R3HDM4: variants seen among roughly 807,000 people sequenced by gnomAD.
R3HDM4 encodes R3H domain-containing protein 4.
R3HDM4 carries 30 observed loss-of-function variants against 31.3 expected under a neutral mutation model. The ratio of observed to expected loss-of-function variants is 0.96; its 90% CI spans 0.72 to 1.30. The LOEUF is 1.30. Ranked by LOEUF, R3HDM4 falls within the 50% of genes most tolerant of loss-of-function variation. The probability of loss-of-function intolerance (pLI) is 0.00; values close to 1 mark genes in which losing one functional copy is unlikely to be tolerated. For synonymous variants in R3HDM4, 196 were observed against 156.6 expected (o/e 1.25, Z -1.88); for missense variants, 444 against 366.1 (o/e 1.21, Z -1.74).
At chr19:903,529 C>T (rs1458586206) in intron 1 of R3HDM4, among the ~76,000 whole-genome samples, 3 of 151,914 alleles carry the variant, frequency 2.0e-5, no homozygotes, top group Non-Finnish European at 2.9e-5. Context: ...AGGCGCGCAC[C>T]GCAGCCACCC....
In R3HDM4 at chr19:907,673, A is replaced by G. The variant is rs10425660; in HGVS notation, c.71+5414T>C. ...CCAAAGCCCCACAGGCCTCTCCTCC[A>G]GGCCCACAAGGACCTGCCTGGTCCT... On this transcript the variant is annotated intron_variant, in intron 1 of 7. Coordinates refer to ENST00000361574, the MANE Select transcript of R3HDM4 (RefSeq NM_138774.4). This position sits in a 1 kb window ranked among gnomAD's most constrained non-coding sequence, Gnocchi z 4.1. 0.065 allele frequency among the ~76,000 whole-genome samples: 9,817 copies of G among 152,118 alleles called. 504 individuals are homozygous for G. Among genetic ancestry groups the G allele is most frequent in the African/African-American group, 0.13 (5,510 of 41,486 alleles).
chr19:898,395 A>G (rs890535276), intron 7 of R3HDM4, among the ~76,000 whole-genome samples: 1 of 97,102 alleles, frequency 1.0e-5, no homozygotes, highest in Non-Finnish European at 2.2e-5. Context: ...ACAGAGCGAG[A>G]CTTGGTCTCA....
At chr19:912,411 T>G (rs1338349618) in intron 1 of R3HDM4, among the ~76,000 whole-genome samples, 17 of 54,946 alleles carry the variant, frequency 3.1e-4, no homozygotes, top group African/African-American at 4.9e-4. Context: ...GACCAGAGAG[T>G]AGGGGCACGG....
At chr19:906,941 G>A (rs1456797524) in intron 1 of R3HDM4, among the ~76,000 whole-genome samples, 2 of 151,636 alleles carry the variant, frequency 1.3e-5, no homozygotes, top group African/African-American at 2.4e-5. Context: ...TCAGCCTCCC[G>A]AGTAGCTGGG....
chr19:902,454 C>T (rs539398975), intron 1 of R3HDM4: 1 of 204,134 alleles, frequency 4.9e-6, no homozygotes, highest in South Asian at 1.1e-4. Context: ...AAAAAAAAGA[C>T]TTATTTTTTT....
rs575692359 is a variant in R3HDM4 at position 910,219 on chromosome 19, G to A, written c.71+2868C>T. Among the ~76,000 whole-genome samples the A allele has an allele frequency of 2.0e-5, 3 of 152,212 alleles. No homozygotes were observed. In the South Asian group the frequency reaches 6.2e-4, roughly 32 times the overall value. ...ACATGCCTGTAATCCCAGCTACTCAGGAGGCTGAGGGAGGAGAATCGCTTG... is the reference window on the plus strand; with the variant it reads ...ACATGCCTGTAATCCCAGCTACTCAAGAGGCTGAGGGAGGAGAATCGCTTG... On this transcript the variant is annotated intron_variant, in intron 1 of 7. Coordinates refer to ENST00000361574, the MANE Select transcript of R3HDM4 (RefSeq NM_138774.4).
At chr19:902,867 G>A (rs898343943) in intron 1 of R3HDM4, among the ~76,000 whole-genome samples, 4 of 151,628 alleles carry the variant, frequency 2.6e-5, no homozygotes, top group East Asian at 1.9e-4. Flanking sequence ...GCTTGAACCC[G>A]GGAGGCAGAT....
Position 913,213 on chromosome 19 carries a change from A to C in R3HDM4, c.-56T>G. ...CGGCAGGGCCTTCACCGGGCCGGGCAGGAAGTGACGGGCGCCCGGAGGCGG... is the reference window on the plus strand; with the variant it reads ...CGGCAGGGCCTTCACCGGGCCGGGCCGGAAGTGACGGGCGCCCGGAGGCGG... On this transcript the variant is annotated 5_prime_UTR_variant, in exon 1 of 8. Coordinates refer to ENST00000361574, the MANE Select transcript of R3HDM4 (RefSeq NM_138774.4). This position sits in a 1 kb window ranked among gnomAD's most constrained non-coding sequence, Gnocchi z 5.0. 2.9e-6 allele frequency: 3 copies of C among 1,041,886 alleles called. No homozygotes were observed. Among genetic ancestry groups the C allele is most frequent in the Non-Finnish European group, 2.3e-6 (2 of 867,482 alleles). The allele number at this position is 1,041,886 out of a possible 1,614,324, so 64.5% of individuals were successfully genotyped here.
intron 2 of R3HDM4, 164 bp from the exon 3 acceptor site, chr19:901,710 G>A: frequency 9.9e-7 from 1 of 1,007,660 alleles, no homozygotes; most frequent in Non-Finnish European, 1.4e-6. Flanking sequence ...TAGACCCCAG[G>A]TTCTGGATTG....
intron 7 of R3HDM4, 83 bp from the exon 8 acceptor site, chr19:897,623 C>T (rs891352246): frequency 2.0e-4 from 223 of 1,095,270 alleles, no homozygotes; most frequent in Non-Finnish European, 2.7e-4. Context: ...GCACCACCCT[C>T]GCTTCTTCCC....
At chr19:903,832 T>G (rs368301135) in intron 1 of R3HDM4, among the ~76,000 whole-genome samples, 1 of 151,914 alleles carries the variant, frequency 6.6e-6, no homozygotes, top group African/African-American at 2.4e-5. Flanking sequence ...GGGCGGATCA[T>G]GAGGTCAGGA....
chr19:913,049 C>CCGGCGCCCG lies in R3HDM4; in HGVS notation c.71+37_71+38insCGGGCGCCG. On this transcript the variant is annotated intron_variant, in intron 1 of 7. Transcript: ENST00000361574. This position sits in a 1 kb window ranked among gnomAD's most constrained non-coding sequence, Gnocchi z 5.0. ...ATCTCAGGGGAGGGAGCCCAGCCCG[C>CCGGCGCCCG]CCCCGGCGCCCGCCGCGCCCCGCCC... 2 of 875,938 alleles carry CCGGCGCCCG rather than the reference C, an allele frequency of 2.3e-6. No homozygotes were observed. The highest frequency in any genetic ancestry group is 5.8e-5 in the Admixed American group (1 of 17,386). The allele number at this position is 875,938 out of a possible 1,614,324, so 54.3% of individuals were successfully genotyped here.
intron 1 of R3HDM4, among the ~76,000 whole-genome samples, chr19:908,065 G>A (rs562030395): frequency 2.6e-5 from 4 of 152,234 alleles, no homozygotes; most frequent in South Asian, 2.1e-4. Flanking sequence ...GGTGGCGCAC[G>A]CCTGTAGTCC....
intron 1 of R3HDM4, among the ~76,000 whole-genome samples, chr19:910,948 G>A (rs1455006078): frequency 6.7e-6 from 1 of 149,224 alleles, no homozygotes; most frequent in Non-Finnish European, 1.5e-5. Context: ...CAAAACCCCC[G>A]TCTCTACTAA....
intron 1 of R3HDM4, among the ~76,000 whole-genome samples, chr19:910,607 G>GAAAAAC (rs762013930): frequency 6.6e-6 from 1 of 151,060 alleles, no homozygotes; most frequent in Admixed American, 6.6e-5. Context: ...TCTCTAATAT[G>GAAAAAC]AAAAACAAAA....
rs1263187073 is a variant in R3HDM4 at position 907,751 on chromosome 19, G to T, written c.71+5336C>A. Among the ~76,000 whole-genome samples, 1 of 152,132 alleles carries T rather than the reference G, an allele frequency of 6.6e-6. No individual in the cohort carries two copies. On this transcript the variant is annotated intron_variant, in intron 1 of 7. Coordinates refer to ENST00000361574, the MANE Select transcript of R3HDM4 (RefSeq NM_138774.4). This position sits in a 1 kb window ranked among gnomAD's most constrained non-coding sequence, Gnocchi z 4.1. Reference sequence around the variant, plus strand: ...CCCCAGCATCCCAGGGCCAGGCCTGGCTCCCCCTTGGCCTAGCACTGCAAC... The same window carrying T: ...CCCCAGCATCCCAGGGCCAGGCCTGTCTCCCCCTTGGCCTAGCACTGCAAC...
At chr19:897,855 G>A (rs111607343) in intron 7 of R3HDM4, among the ~76,000 whole-genome samples, 3,554 of 152,326 alleles carry the variant, frequency 0.023, 74 homozygotes, top group South Asian at 0.076. Flanking sequence ...CCTGCCTGGC[G>A]GAGTGTCCGG....
At chr19:901,809 T>C in intron 2 of R3HDM4, 167 bp downstream of exon 2, 1 of 566,766 alleles carries the variant, frequency 1.8e-6, no homozygotes, top group Non-Finnish European at 2.9e-6. Flanking sequence ...AGGGGGCGCC[T>C]GTGTCTGGCT....
chr19:901,234 G>C, intron 3 of R3HDM4, 188 bp downstream of exon 3: 1 of 702,462 alleles, frequency 1.4e-6, no homozygotes, highest in Non-Finnish European at 2.3e-6. Flanking sequence ...CCAGGAGCTC[G>C]AAGGTTCCAG....
Sources: gnomAD v4.1 joint callset for allele counts (sites outside exome capture counted in the v4.1 genomes callset) on GRCh38, gnomAD v4.1.1 for gene constraint, Gnocchi (gnomAD v3.1) non-coding constraint, MANE v1.5 for transcripts, NCBI Gene and HGNC (gene_info 2026-07-23, HGNC 2026-07-21) for gene names.